The following DCBLD2 variants were observed in gnomAD, a reference collection of about 807,000 sequenced individuals.
DCBLD2 encodes discoidin, CUB and LCCL domain containing 2, also known as discoidin, CUB and LCCL domain-containing protein 2.
In DCBLD2, 54 loss-of-function variants were observed where a neutral mutation model predicts 86.8. The ratio of observed to expected loss-of-function variants is 0.62; its 90% CI spans 0.50 to 0.78. DCBLD2 has a LOEUF of 0.78. DCBLD2 is among the 30% of genes least tolerant of loss of function. The pLI is 0.00. For missense variants in DCBLD2, 908 were observed against 954.2 expected (o/e 0.95, Z 0.64); for synonymous variants, 354 against 341.3 (o/e 1.04, Z -0.41).
chr3:98,839,161 T>TTTCTC (rs1942566992), intron 3 of DCBLD2, among the ~76,000 whole-genome samples: 1 of 93,326 alleles, frequency 1.1e-5, no homozygotes. Flanking sequence ...CTTTCTTTCT[T>TTTCTC]TCTTTCTTTC....
Position 98,839,144 on chromosome 3 carries a change from C to CTTCCTTCCTTCTTTCTTTCTTTCT in DCBLD2, c.571+10316_571+10317insAGAAAGAAAGAAAGAAGGAAGGAA, listed in dbSNP as rs1491105632. ...TTTTCTTTCTTTCCTTCCTTCCTTC[C>CTTCCTTCCTTCTTTCTTTCTTTCT]TTCTTTCTTTCTTTCTTTCTTTCTT... On this transcript the variant is annotated intron_variant, in intron 3 of 15. Coordinates refer to ENST00000326840, the MANE Select transcript of DCBLD2 (RefSeq NM_080927.4). Among the ~76,000 whole-genome samples the CTTCCTTCCTTCTTTCTTTCTTTCT allele has an allele frequency of 2.9e-4, 32 of 111,044 alleles. 1 individual carries two copies. The East Asian group carries it at 5.3e-3, about 18-fold the overall frequency. 72.8% of individuals were successfully genotyped at this position (111,044 alleles called of 152,430 possible). A position where few individuals can be genotyped will look rare whatever the true frequency, so the allele number is the denominator to read the frequency against.
intron 2 of DCBLD2, among the ~76,000 whole-genome samples, chr3:98,853,808 GAGGTGTGCCACGGAAC>G (rs1942882466): frequency 6.6e-6 from 1 of 152,176 alleles, no homozygotes; most frequent in Admixed American, 6.5e-5. Context: ...TCAACTTCCT[GAGGTGTGCCACGGAAC>G]AATGCTCTCC....
intron 2 of DCBLD2, among the ~76,000 whole-genome samples, chr3:98,878,910 C>A (rs1332602690): frequency 6.6e-6 from 1 of 152,184 alleles, no homozygotes; most frequent in Non-Finnish European, 1.5e-5. Context: ...TCAGACCGTA[C>A]AGAAAGTGAC....
At chr3:98,836,619 A>C (rs1238168991) in intron 3 of DCBLD2, among the ~76,000 whole-genome samples, 1 of 122,344 alleles carries the variant, frequency 8.2e-6, no homozygotes, top group Non-Finnish European at 1.8e-5. Context: ...CACACCTCCC[A>C]GACGGGGCGG....
Position 98,812,416 on chromosome 3 carries a change from G to A in DCBLD2, c.1279C>T (p.Arg427Cys), listed in dbSNP as rs1392150621. ...RNNFLPPIIA[R>C]FIRVNPTQWQ... Reference sequence around the variant, plus strand: ...TGGGTAGGATTCACTCTAATAAAACGTGCAATAATTGGTGGCAAAAAGTTA... The same window carrying A: ...TGGGTAGGATTCACTCTAATAAAACATGCAATAATTGGTGGCAAAAAGTTA... Residue 427 changes from arginine to cysteine, a missense_variant, in exon 10 of 16, where the codon CGT becomes TGT. Physicochemically the swap from Arg to Cys is radical, Grantham distance 180. Transcript: ENST00000326840. 7 of 1,613,136 alleles carry A rather than the reference G, an allele frequency of 4.3e-6. No homozygotes were observed. Among genetic ancestry groups the A allele is most frequent in the Admixed American group, 1.7e-5 (1 of 59,902 alleles).
Position 98,809,983 on chromosome 3 carries a change from AG to A in DCBLD2, c.1576+1210del, listed in dbSNP as rs371482824. On this transcript the variant is annotated intron_variant, in intron 12 of 15. Coordinates refer to ENST00000326840, the MANE Select transcript of DCBLD2 (RefSeq NM_080927.4). ...ATCAGAGGCTTTAAAACATCTTCTT[AG>A]GTTCAAAAAATAAATTTATATACTA... Among the ~76,000 whole-genome samples, 616 of 152,326 alleles carry A rather than the reference AG, an allele frequency of 4.0e-3. 5 individuals are homozygous for A. The highest frequency in any genetic ancestry group is 0.014 in the African/African-American group (586 of 41,584).
In DCBLD2 at chr3:98,808,105, A is replaced by C. The variant is rs765541850; in HGVS notation, c.1646T>G (p.Val549Gly). The C allele has an allele frequency of 1.2e-6, 2 of 1,605,166 alleles. No individual in the cohort carries two copies. The highest frequency in any genetic ancestry group is 4.5e-5 in the East Asian group (2 of 44,442). Residue 549 changes from valine to glycine, a missense_variant, in exon 13 of 16, where the codon GTG becomes GGG. By Grantham distance (109) the Val-to-Gly change is moderately radical. Coordinates refer to ENST00000326840, the MANE Select transcript of DCBLD2 (RefSeq NM_080927.4). Reference sequence around the variant, plus strand: ...CCTGTTTCTCCAGTGCCAAGCACACACTAATATGAGAATGAGAGTAGTGAG... The same window carrying C: ...CCTGTTTCTCCAGTGCCAAGCACACCCTAATATGAGAATGAGAGTAGTGAG... The part of the protein sequence containing the change: ...MVLTTLILIL[V>G]CAWHWRNRKK...
chr3:98,825,116 T>C (rs1004154265), intron 4 of DCBLD2, among the ~76,000 whole-genome samples, 199 bp downstream of exon 4: 1 of 152,180 alleles, frequency 6.6e-6, no homozygotes, highest in Non-Finnish European at 1.5e-5. Flanking sequence ...ATCTAAATGC[T>C]ACAATAAAAG....
At chr3:98,897,815 T>C (rs941520772) in intron 1 of DCBLD2, among the ~76,000 whole-genome samples, 18 of 152,102 alleles carry the variant, frequency 1.2e-4, no homozygotes, top group Non-Finnish European at 2.1e-4. Flanking sequence ...CATGTTCAAA[T>C]TACATTCTAA....
intron 3 of DCBLD2, among the ~76,000 whole-genome samples, chr3:98,830,121 T>C (rs828624): frequency 0.97 from 147,884 of 152,228 alleles, 71,992 homozygotes; most frequent in East Asian, 1. Flanking sequence ...AGTTCCTTAT[T>C]GATGTTGGAT....
At chr3:98,831,205 A>AT (rs1559777451) in intron 3 of DCBLD2, among the ~76,000 whole-genome samples, 10 of 140,722 alleles carry the variant, frequency 7.1e-5, no homozygotes, top group African/African-American at 2.5e-4. Context: ...ATGCTGAGCT[A>AT]ATTTTTTTTT....
rs2107406066 is a variant in DCBLD2, at chr3:98,796,015, A to T, written c.*3357T>A. 1 of 152,744 alleles carries T rather than the reference A, an allele frequency of 6.5e-6. No individual in the cohort carries two copies. The highest frequency in any genetic ancestry group is 1.9e-4 in the East Asian group (1 of 5,184). The allele number at this position is 152,744 out of a possible 1,614,324, so 9.5% of individuals were successfully genotyped here. A position where few individuals can be genotyped will look rare whatever the true frequency, so the allele number is the denominator to read the frequency against. ...CAAACCTCAAGGTTGTTTTATTTAAACCAAATAATCTGAGCAAGACATATA... is the reference window on the plus strand; with the variant it reads ...CAAACCTCAAGGTTGTTTTATTTAATCCAAATAATCTGAGCAAGACATATA... On this transcript the variant is annotated 3_prime_UTR_variant, in exon 16 of 16. Transcript: ENST00000326840.
Position 98,809,235 on chromosome 3 carries a change from C to T in DCBLD2, c.1577-1061G>A, listed in dbSNP as rs117469407. Among the ~76,000 whole-genome samples the T allele has an allele frequency of 3.3e-5, 5 of 152,206 alleles. No individual in the cohort carries two copies. The East Asian group carries it at 5.8e-4, about 18-fold the overall frequency. ...TTGGGATATTAGTTTCTTCCTTTGT[C>T]GCTCAACCCCCTACTTGCCATGAAG... On this transcript the variant is annotated intron_variant, in intron 12 of 15. Coordinates refer to ENST00000326840, the MANE Select transcript of DCBLD2 (RefSeq NM_080927.4).
chr3:98,901,424 G>C lies in DCBLD2; in HGVS notation c.-98C>G. ...GACCAGGAGACGGCGGCAGCGGCGG[G>C]AGAACAAGAGGCAGCCCTCGCCTCA... On this transcript the variant is annotated 5_prime_UTR_variant, in exon 1 of 16. Coordinates refer to ENST00000326840, the MANE Select transcript of DCBLD2 (RefSeq NM_080927.4). 1.7e-6 allele frequency: 2 copies of C among 1,194,624 alleles called. No homozygotes were observed. The highest frequency in any genetic ancestry group is 2.1e-6 in the Non-Finnish European group (2 of 951,114). 74.0% of individuals were successfully genotyped at this position (1,194,624 alleles called of 1,614,324 possible).
chr3:98,860,097 T>C (rs1445281246), intron 2 of DCBLD2, among the ~76,000 whole-genome samples: 1 of 152,134 alleles, frequency 6.6e-6, no homozygotes, highest in Non-Finnish European at 1.5e-5. Context: ...CAGTAGATAA[T>C]TCAATCAACT....
intron 2 of DCBLD2, among the ~76,000 whole-genome samples, chr3:98,856,220 G>T (rs1390278854): frequency 6.6e-6 from 1 of 152,152 alleles, no homozygotes; most frequent in Non-Finnish European, 1.5e-5. Flanking sequence ...TCACAGGAGA[G>T]TAAGTTCCCT....
At chr3:98,889,860 T>G (rs1943627885) in intron 1 of DCBLD2, among the ~76,000 whole-genome samples, 1 of 152,038 alleles carries the variant, frequency 6.6e-6, no homozygotes, top group Non-Finnish European at 1.5e-5. Flanking sequence ...GTAATTGTAG[T>G]TCTTCAGTGG....
chr3:98,801,775 A>C, intron 13 of DCBLD2, 126 bp from the exon 14 acceptor site: 1 of 625,798 alleles, frequency 1.6e-6, no homozygotes, highest in Non-Finnish European at 2.7e-6. Flanking sequence ...CTCATTGTTC[A>C]ATTCCCACCT....
At chr3:98,828,094 C>A (rs1026756435) in intron 3 of DCBLD2, among the ~76,000 whole-genome samples, 4 of 152,074 alleles carry the variant, frequency 2.6e-5, no homozygotes, top group African/African-American at 7.2e-5. Context: ...AACTCAAGAG[C>A]TGAAACTATA....
Sources: allele counts gnomAD v4.1 joint callset (sites outside exome capture counted in the v4.1 genomes callset), GRCh38; gene constraint gnomAD v4.1.1; transcripts MANE v1.5; gene names NCBI Gene and HGNC (gene_info 2026-07-23, HGNC 2026-07-21).